The following MAN2B1 variants were observed in gnomAD, a reference collection of about 807,000 sequenced individuals.
The protein encoded by MAN2B1 is mannosidase alpha class 2B member 1.
MAN2B1 carries 99 observed loss-of-function variants against 127.5 expected under a neutral mutation model. That is an observed-to-expected ratio of 0.78 (90% CI 0.66 to 0.92). MAN2B1 has a LOEUF of 0.92. Among genes scored for constraint, MAN2B1 ranks in the 40% least tolerant of loss-of-function variants. The pLI, the probability that MAN2B1 is intolerant of heterozygous loss-of-function variation, is 0.00. For synonymous variants in MAN2B1, 573 were observed against 568.8 expected, an observed-to-expected ratio of 1.01 and a Z score of -0.11; for missense variants, 1,304 against 1,384.8, an observed-to-expected ratio of 0.94 and a Z score of 0.93.
chr19:12,649,477 C>CTTTTTTTTTTTTTTTTTTGT (rs2023786239), intron 18 of MAN2B1, 49 bp from the exon 19 acceptor site: 1 of 323,656 alleles, frequency 3.1e-6, no homozygotes. Context: ...CTCCCCAACT[C>CTTTTTTTTTTTTTTTTTTGT]TTTTTTTTTT....
At chr19:12,661,417 G>T in intron 6 of MAN2B1, 41 bp from the exon 7 acceptor site, 2 of 1,311,528 alleles carry the variant, frequency 1.5e-6, no homozygotes, top group Non-Finnish European at 1.1e-6. Context: ...AGGATCCTGG[G>T]CCATCCCTGT....
At chr19:12,660,018 G>C (rs1407520471) in intron 7 of MAN2B1, among the ~76,000 whole-genome samples, 1 of 152,074 alleles carries the variant, frequency 6.6e-6, no homozygotes, top group Non-Finnish European at 1.5e-5. Flanking sequence ...GCTGATGAGA[G>C]TGACTGACTG....
At position 12,663,388 on chromosome 19, in the gene MAN2B1, C is replaced by T. The variant is rs1234056445; in HGVS notation, c.838G>A (p.Glu280Lys). 1.2e-6 allele frequency: 2 copies of T among 1,614,028 alleles called. No individual in the cohort carries two copies. Among genetic ancestry groups the T allele is most frequent in the Admixed American group, 3.3e-5 (2 of 60,002 alleles). The change falls in exon 6 of 24, where the codon GAG (glutamate) becomes AAG (lysine). Residue 280 changes from glutamate (E) to lysine (K), a missense_variant. Physicochemically the swap from Glu to Lys is moderately conservative, Grantham distance 56. Transcript: ENST00000456935. ...TTGTACTCGGGGCTGCGAGGGTCCT[C>T]CACCAGCGGCTGATCGACACACAGC... Reference protein sequence around the residue: ...DVLCVDQPLVEDPRSPEYNAK... With the variant: ...DVLCVDQPLVKDPRSPEYNAK...
In MAN2B1 at chr19:12,656,629, G is replaced by A. The variant is rs1330706618; in HGVS notation, c.1586C>T (p.Pro529Leu). Residue 529 changes from proline (P) to leucine (L), a missense_variant, in exon 13 of 24, where the codon CCG becomes CTG. Physicochemically the swap from Pro to Leu is moderately conservative, Grantham distance 98 (BLOSUM62 -3). Coordinates refer to ENST00000456935, the MANE Select transcript of MAN2B1 (RefSeq NM_000528.4). ...GRKVNWMVRL[P>L]VSEGVFVVKD... is the part of the protein sequence containing the mutation. ...CACAACGAAAACGCCTTCGCTGACC[G>A]GCAGCCGTACCATCCAATTCACCTT... 2 of 1,613,878 alleles carry A rather than the reference G, an allele frequency of 1.2e-6. No homozygotes were observed. The highest frequency in any genetic ancestry group is 1.3e-5 in the African/African-American group (1 of 74,864).
chr19:12,655,802 G>A lies in MAN2B1; in HGVS notation c.1722C>T (p.Gly574=), dbSNP rs1599348302. 2 of 1,613,172 alleles carry A rather than the reference G, an allele frequency of 1.2e-6. No homozygotes were observed. Among genetic ancestry groups the A allele is most frequent in the Non-Finnish European group, 1.7e-6 (2 of 1,179,366 alleles). Residue 574 remains glycine, a synonymous_variant, in exon 14 of 24, where the codon GGC becomes GGT. Coordinates refer to ENST00000456935, the MANE Select transcript of MAN2B1 (RefSeq NM_000528.4). ...CCTGGGCTACTGAATAGGTGCTGAA[G>A]CCCAGGGCGGGCAGTGAGGCTGAGA... ...LLFSASLPAL[G]FSTYSVAQVP... is the part of the protein sequence containing the mutation.
At chr19:12,659,911 G>A (rs1045753923) in intron 7 of MAN2B1, among the ~76,000 whole-genome samples, 1 of 152,046 alleles carries the variant, frequency 6.6e-6, no homozygotes, top group African/African-American at 2.4e-5. Flanking sequence ...AGCAGTGCTG[G>A]GAGCGAGTGG....
chr19:12,650,225 G>A lies in MAN2B1; in HGVS notation c.2047-3C>T. On this transcript the variant is annotated splice_polypyrimidine_tract_variant and splice_region_variant and intron_variant, in intron 16 of 23. Transcript: ENST00000456935. Reference sequence around the variant, plus strand: ...TGCACCTCCTGCACCAAGGGTGTCTGCGGGCACACGGGTGAGGTGGATGTC... The same window carrying A: ...TGCACCTCCTGCACCAAGGGTGTCTACGGGCACACGGGTGAGGTGGATGTC... The A allele has an allele frequency of 6.3e-7, 1 of 1,595,036 alleles. No individual in the cohort carries two copies. Among genetic ancestry groups the A allele is most frequent in the South Asian group, 1.1e-5 (1 of 90,676 alleles).
At chr19:12,652,619 C>A (rs182568218) in intron 14 of MAN2B1, among the ~76,000 whole-genome samples, 159 bp from the exon 15 acceptor site, 4 of 150,790 alleles carry the variant, frequency 2.7e-5, no homozygotes, top group Non-Finnish European at 4.4e-5. Flanking sequence ...GCACCCCCCA[C>A]CTCCCGGGTT....
At position 12,665,423 on chromosome 19, in the gene MAN2B1, G is replaced by C; in HGVS notation, c.365C>G (p.Ala122Gly). ...PTRRFIYVEI[A>G]FFSRWWHQQT... ...CTGGTGCCACCAACGGGAGAAGAAGGCAATCTCCACGTAAATGAAGCGACG... is the reference window on the plus strand; with the variant it reads ...CTGGTGCCACCAACGGGAGAAGAAGCCAATCTCCACGTAAATGAAGCGACG... Residue 122 changes from alanine to glycine, a missense_variant, in exon 3 of 24, where the codon GCC (alanine) becomes GGC (glycine). Ala to Gly is a moderately conservative substitution (Grantham distance 60). Transcript: ENST00000456935. 1 of 1,613,024 alleles carries C rather than the reference G, an allele frequency of 6.2e-7. No individual in the cohort carries two copies. Among genetic ancestry groups the C allele is most frequent in the South Asian group, 1.1e-5 (1 of 91,086 alleles).
intron 6 of MAN2B1, 112 bp from the exon 7 acceptor site, chr19:12,661,488 G>A: frequency 1.3e-6 from 1 of 785,972 alleles, no homozygotes. Flanking sequence ...CATGGGTGGG[G>A]GTATGGCACT....
chr19:12,658,223 C>A lies in MAN2B1; in HGVS notation c.1230+1G>T, dbSNP rs2024019746. On this transcript the variant is annotated splice_donor_variant, in intron 9 of 23. Transcript: ENST00000456935. LOFTEE classifies it high-confidence loss of function. ...CCCCCTCTAGCCCGGCTCCTACCCACCTGCAGGAAGTTGTAGCTGAGGCGC... is the reference window on the plus strand; with the variant it reads ...CCCCCTCTAGCCCGGCTCCTACCCAACTGCAGGAAGTTGTAGCTGAGGCGC... 6.2e-7 allele frequency: 1 copy of A among 1,613,906 alleles called. No individual in the cohort carries two copies. Among genetic ancestry groups the A allele is most frequent in the African/African-American group, 1.3e-5 (1 of 74,934 alleles).
intron 10 of MAN2B1, 173 bp downstream of exon 10, chr19:12,657,890 G>A: frequency 1.5e-6 from 1 of 678,720 alleles, no homozygotes; most frequent in Non-Finnish European, 2.5e-6. Context: ...GGGAGGTGGA[G>A]CTTGCAGTGA....
At chr19:12,665,576 T>C in intron 2 of MAN2B1, 51 bp from the exon 3 acceptor site, 2 of 1,610,052 alleles carry the variant, frequency 1.2e-6, no homozygotes, top group Non-Finnish European at 1.7e-6. Flanking sequence ...CCAAGGGGGT[T>C]ATTCCTAGAC....
chr19:12,665,570 G>A (rs775977397), intron 2 of MAN2B1, 45 bp from the exon 3 acceptor site: 3 of 1,609,604 alleles, frequency 1.9e-6, no homozygotes, highest in Non-Finnish European at 2.6e-6. Flanking sequence ...GCAGAGCCAA[G>A]GGGGTTATTC....
rs1188855191 is a variant in MAN2B1, at chr19:12,649,347, G to GTAAA, written c.2345_2348dup (p.Ile784LeufsTer14). 1 of 1,613,044 alleles carries GTAAA rather than the reference G, an allele frequency of 6.2e-7. No individual in the cohort carries two copies. Among genetic ancestry groups the GTAAA allele is most frequent in the African/African-American group, 1.3e-5 (1 of 74,834 alleles). ...CAGGATGGGGGAGAGCTACCGTGATGTAAATCCGGGTGTTGACTGGATAGT... is the reference window on the plus strand; with the variant it reads ...CAGGATGGGGGAGAGCTACCGTGATGTAAATAAATCCGGGTGTTGACTGGATAGT... On this transcript the variant is annotated frameshift_variant, in exon 19 of 24. Transcript: ENST00000456935. LOFTEE classifies it high-confidence loss of function.
chr19:12,656,137 G>C, intron 13 of MAN2B1: 2 of 466,762 alleles, frequency 4.3e-6, no homozygotes, highest in Non-Finnish European at 3.8e-6. Context: ...AAACCCTTGA[G>C]GCAGGTTCTC....
intron 10 of MAN2B1, 93 bp from the exon 11 acceptor site, chr19:12,657,648 T>C (rs1313998315): frequency 8.8e-7 from 1 of 1,131,774 alleles, no homozygotes; most frequent in Non-Finnish European, 1.3e-6. Flanking sequence ...GGCAGGATTC[T>C]TAGAGGCTTT....
intron 6 of MAN2B1, among the ~76,000 whole-genome samples, chr19:12,662,380 C>T (rs1271939480): frequency 5.9e-5 from 9 of 151,960 alleles, no homozygotes; most frequent in Non-Finnish European, 1.2e-4. Context: ...CCTGTAATCC[C>T]AGCACTTTGA....
chr19:12,650,064 C>T, intron 17 of MAN2B1, 40 bp downstream of exon 17: 1 of 1,609,974 alleles, frequency 6.2e-7, no homozygotes. Context: ...AACCCCTCTG[C>T]CCTTGCTTCC....
Sources: gnomAD v4.1 joint callset for allele counts (sites outside exome capture counted in the v4.1 genomes callset) on GRCh38, gnomAD v4.1.1 for gene constraint, MANE v1.5 for transcripts, NCBI Gene and HGNC (gene_info 2026-07-23, HGNC 2026-07-21) for gene names.